Variants in TSPAN18 observed in about 807,000 individuals in gnomAD.
The protein encoded by TSPAN18 is tetraspanin-18.
A neutral mutation model predicts 27.3 loss-of-function variants in TSPAN18; 14 were observed. That is an observed-to-expected ratio of 0.51 (90% confidence interval 0.34 to 0.80). The LOEUF (loss-of-function observed/expected upper bound fraction) is 0.80, where lower values mean the gene tolerates loss of function less well. Ranked by LOEUF, TSPAN18 falls within the 30% of genes least tolerant of loss-of-function variation. TSPAN18 has a pLI of 0.01. For missense variants in TSPAN18, 268 were observed against 323.9 expected (o/e 0.83, Z 1.32); for synonymous variants, 143 against 136.5 (o/e 1.05, Z -0.33).
At chr11:44,732,111 C>T (rs572012071) in intron 1 of TSPAN18, among the ~76,000 whole-genome samples, 21 of 152,238 alleles carry the variant, frequency 1.4e-4, no homozygotes, top group South Asian at 4.1e-4. Context: ...GGGCTGGGCC[C>T]GGTCCGTGGT....
At chr11:44,776,424 G>T (rs182856163) in intron 2 of TSPAN18, among the ~76,000 whole-genome samples, 1 of 152,112 alleles carries the variant, frequency 6.6e-6, no homozygotes, top group East Asian at 1.9e-4. Flanking sequence ...CTTTATCTGT[G>T]AATTGGGCAC....
At chr11:44,816,405 G>T (rs996986904) in intron 2 of TSPAN18, among the ~76,000 whole-genome samples, 1 of 152,208 alleles carries the variant, frequency 6.6e-6, no homozygotes, top group Non-Finnish European at 1.5e-5. Flanking sequence ...TTCCCCTCTG[G>T]TTCATCAGAA....
At chr11:44,886,773 C>T (rs966483925) in intron 3 of TSPAN18, among the ~76,000 whole-genome samples, 5 of 152,200 alleles carry the variant, frequency 3.3e-5, no homozygotes, top group African/African-American at 1.2e-4. Flanking sequence ...AGGCATTGGC[C>T]AAATGACTTT....
chr11:44,842,342 G>A (rs114120098), intron 2 of TSPAN18, among the ~76,000 whole-genome samples: 1,746 of 152,326 alleles, frequency 0.011, 37 homozygotes, highest in African/African-American at 0.04. Flanking sequence ...TGTAGTAACT[G>A]CAATTCTGCC....
intron 2 of TSPAN18, among the ~76,000 whole-genome samples, chr11:44,852,604 G>A (rs1398799276): frequency 6.6e-6 from 1 of 152,206 alleles, no homozygotes. Flanking sequence ...ATGCACATGT[G>A]TGTGCCCCCC....
At chr11:44,795,261 G>T (rs1333428734) in intron 2 of TSPAN18, among the ~76,000 whole-genome samples, 1 of 152,114 alleles carries the variant, frequency 6.6e-6, no homozygotes, top group African/African-American at 2.4e-5. Context: ...GCCCACTCCA[G>T]CATGGAAGGG....
At chr11:44,807,559 A>G (rs1280832368) in intron 2 of TSPAN18, among the ~76,000 whole-genome samples, 3 of 151,760 alleles carry the variant, frequency 2.0e-5, no homozygotes, top group Non-Finnish European at 2.9e-5. Flanking sequence ...AAAGAAAAGA[A>G]AAAAGAATAG....
intron 2 of TSPAN18, among the ~76,000 whole-genome samples, chr11:44,807,090 A>G (rs1232875649): frequency 6.6e-6 from 1 of 151,508 alleles, no homozygotes; most frequent in Admixed American, 6.6e-5. Context: ...AGGGACAGTC[A>G]CTCACACTTG....
rs1554938140 is a variant in TSPAN18 at position 44,908,815 on chromosome 11, G to GAAAGAAAGA, written c.64-887_64-879dup. 4.3e-3 allele frequency among the ~76,000 whole-genome samples: 499 copies of GAAAGAAAGA among 115,250 alleles called. 55 individuals are homozygous for GAAAGAAAGA. The highest frequency in any genetic ancestry group is 0.031 in the Admixed American group (353 of 11,400). The allele number at this position is 115,250 out of a possible 152,430, so 75.6% of individuals were successfully genotyped here. A position where few individuals can be genotyped will look rare whatever the true frequency, so the allele number is the denominator to read the frequency against. On this transcript the variant is annotated intron_variant, in intron 4 of 9. Transcript: ENST00000520358. ...AGAAAGAAAGAAAGAAAGAAAGAAA[G>GAAAGAAAGA]AAAGAAAGAAAGAAAAAGAAAAATG...
At chr11:44,803,786 T>C (rs1856533222) in intron 2 of TSPAN18, among the ~76,000 whole-genome samples, 1 of 152,086 alleles carries the variant, frequency 6.6e-6, no homozygotes, top group Non-Finnish European at 1.5e-5. Flanking sequence ...TTATTGAGGC[T>C]ACTAAGAAAA....
intron 2 of TSPAN18, among the ~76,000 whole-genome samples, chr11:44,820,198 G>C (rs1212446842): frequency 6.6e-6 from 1 of 152,188 alleles, no homozygotes; most frequent in Non-Finnish European, 1.5e-5. Flanking sequence ...TGACCCAACT[G>C]GTGCCTGCGC....
intron 2 of TSPAN18, among the ~76,000 whole-genome samples, chr11:44,801,284 T>C (rs1856473730): frequency 2.0e-5 from 3 of 152,222 alleles, no homozygotes; most frequent in African/African-American, 7.2e-5. Flanking sequence ...AGAAAGACTT[T>C]TGCAGAACAA....
At chr11:44,848,971 G>A (rs549173128) in intron 2 of TSPAN18, among the ~76,000 whole-genome samples, 9 of 152,232 alleles carry the variant, frequency 5.9e-5, no homozygotes, top group Non-Finnish European at 1.0e-4. Flanking sequence ...CCATGTAGGC[G>A]TTGCAAGTGA....
intron 2 of TSPAN18, among the ~76,000 whole-genome samples, chr11:44,851,623 C>CCGG (rs1554991801): frequency 6.7e-6 from 1 of 148,486 alleles, no homozygotes; most frequent in Non-Finnish European, 1.5e-5. Flanking sequence ...CCTCCCCCCC[C>CCGG]CAACGGCTGG....
chr11:44,805,155 C>G (rs966242366), intron 2 of TSPAN18, among the ~76,000 whole-genome samples: 9 of 152,206 alleles, frequency 5.9e-5, no homozygotes, highest in African/African-American at 2.2e-4. Context: ...CTGGTTATCG[C>G]TTTTCATAAA....
At position 44,894,790 on chromosome 11, in the gene TSPAN18, T is replaced by G. The variant is rs192050300; in HGVS notation, c.-10-11617T>G. ...GTTTAGCCAACTTCCTGGGCCTCTG[T>G]GCCTCGCTGCCTGGTTCAGGGAAGA... On this transcript the variant is annotated intron_variant, in intron 3 of 9. Coordinates refer to ENST00000520358, the MANE Select transcript of TSPAN18 (RefSeq NM_130783.5). Among the ~76,000 whole-genome samples the G allele has an allele frequency of 3.7e-3, 562 of 152,310 alleles. 2 individuals carry two copies. Among genetic ancestry groups the G allele is most frequent in the Non-Finnish European group, 5.7e-3 (389 of 68,020 alleles).
chr11:44,851,457 T>C (rs1186541227), intron 2 of TSPAN18, among the ~76,000 whole-genome samples: 1 of 152,136 alleles, frequency 6.6e-6, no homozygotes, highest in Non-Finnish European at 1.5e-5. Flanking sequence ...CCTGGAAATG[T>C]CTCCATCAGC....
chr11:44,743,881 C>T (rs151053036), intron 1 of TSPAN18, among the ~76,000 whole-genome samples: 32 of 152,252 alleles, frequency 2.1e-4, no homozygotes, highest in African/African-American at 6.3e-4. Flanking sequence ...TCCGAGTACC[C>T]GGTTTGGGGT....
At chr11:44,877,395 G>A (rs1858367072) in intron 3 of TSPAN18, among the ~76,000 whole-genome samples, 1 of 152,212 alleles carries the variant, frequency 6.6e-6, no homozygotes, top group South Asian at 2.1e-4. Context: ...GGTCATTCGA[G>A]GGGAGAGGTG....
Sources: allele counts gnomAD v4.1 joint callset (sites outside exome capture counted in the v4.1 genomes callset), GRCh38; gene constraint gnomAD v4.1.1; transcripts MANE v1.5; gene names NCBI Gene and HGNC (gene_info 2026-07-23, HGNC 2026-07-21).